The following RRP7A variants were observed in gnomAD, a reference collection of about 807,000 sequenced individuals.
RRP7A encodes ribosomal RNA processing 7 homolog A.
A neutral mutation model predicts 38.4 loss-of-function variants in RRP7A; 27 were observed. The observed-to-expected ratio is 0.70, with a 90% CI of 0.52 to 0.97. RRP7A has a LOEUF of 0.97. RRP7A is among the 50% of genes least tolerant of loss of function. The pLI is 0.00. For synonymous variants in RRP7A, 124 were observed against 150.3 expected, an observed-to-expected ratio of 0.83 and a Z score of 1.28; for missense variants, 327 against 375.4, an observed-to-expected ratio of 0.87 and a Z score of 1.07.
rs1489350586 is a variant in RRP7A at position 42,514,095 on chromosome 22, G to A, written c.757+11C>T. On this transcript the variant is annotated intron_variant, in intron 6 of 6. Transcript: ENST00000323013. Reference sequence around the variant, plus strand: ...GCCGAGGGGTCTGAGGATGGACTGGGGGTGGCTTACGCTCCATCTTGCTCT... The same window carrying A: ...GCCGAGGGGTCTGAGGATGGACTGGAGGTGGCTTACGCTCCATCTTGCTCT... The A allele has an allele frequency of 3.1e-6, 5 of 1,609,908 alleles. No individual in the cohort carries two copies. Among genetic ancestry groups the A allele is most frequent in the Middle Eastern group, 3.4e-4 (2 of 5,858 alleles).
chr22:42,509,361 G>A lies in RRP7A; in HGVS notation c.*3549C>T, dbSNP rs1285751433. Reference sequence around the variant, plus strand: ...GCCTTTCCACAGGTGTCAGCGGGGGGCATGCCCAGGTAAGGCTCCATAACC... The same window carrying A: ...GCCTTTCCACAGGTGTCAGCGGGGGACATGCCCAGGTAAGGCTCCATAACC... On this transcript the variant is annotated 3_prime_UTR_variant, in exon 7 of 7. Transcript: ENST00000323013. Among the ~76,000 whole-genome samples, 1 of 150,276 alleles carries A rather than the reference G, an allele frequency of 6.7e-6. No individual in the cohort carries two copies. Among genetic ancestry groups the A allele is most frequent in the Non-Finnish European group, 1.5e-5 (1 of 67,124 alleles).
At position 42,517,065 on chromosome 22, in the gene RRP7A, G is replaced by A. The variant is rs536702425; in HGVS notation, c.217-929C>T. 2.6e-5 allele frequency among the ~76,000 whole-genome samples: 4 copies of A among 152,114 alleles called. No individual in the cohort carries two copies. In the South Asian group the frequency reaches 8.3e-4, roughly 32 times the overall value. On this transcript the variant is annotated intron_variant, in intron 2 of 6. Coordinates refer to ENST00000323013, the MANE Select transcript of RRP7A (RefSeq NM_015703.5). ...GGCTGAAGGGGGCGGATTACTTCAG[G>A]TCAGCAGTTCGAGACCAGCCTGGCC...
intron 6 of RRP7A, among the ~76,000 whole-genome samples, chr22:42,513,296 G>C (rs1483330868): frequency 7.7e-6 from 1 of 129,144 alleles, no homozygotes; most frequent in Non-Finnish European, 1.7e-5. Flanking sequence ...TGCACAGGGG[G>C]AAGGAAGGAG....
In RRP7A at chr22:42,514,601, C is replaced by A. The variant is rs548183220; in HGVS notation, c.558+81G>T. 33 of 1,219,934 alleles carry A rather than the reference C, an allele frequency of 2.7e-5. 2 individuals carry two copies. In the Admixed American group the frequency reaches 6.1e-4, roughly 23 times the overall value. 75.6% of individuals were successfully genotyped at this position (1,219,934 alleles called of 1,614,324 possible). On this transcript the variant is annotated intron_variant, in intron 5 of 6. Transcript: ENST00000323013. ...CTACAGAGTGGCCAAGGACAGGCCACCACTGCCCTCCCTCTGGGGCGCCAC... is the reference window on the plus strand; with the variant it reads ...CTACAGAGTGGCCAAGGACAGGCCAACACTGCCCTCCCTCTGGGGCGCCAC...
chr22:42,514,054 C>T (rs1920923870), intron 6 of RRP7A, 52 bp downstream of exon 6: 11 of 1,549,736 alleles, frequency 7.1e-6, no homozygotes, highest in Middle Eastern at 1.9e-4. Context: ...AGGCCTCATC[C>T]GTGGCTGGGG....
At chr22:42,519,220 G>A (rs1251795687) in intron 1 of RRP7A, among the ~76,000 whole-genome samples, 1 of 150,190 alleles carries the variant, frequency 6.7e-6, no homozygotes, top group Non-Finnish European at 1.5e-5. Context: ...TAGGTGTGGC[G>A]CCTATCGTGG....
At position 42,514,213 on chromosome 22, in the gene RRP7A, CG is replaced by C; in HGVS notation, c.649del (p.Arg217GlyfsTer38). 2 of 1,610,634 alleles carry C rather than the reference CG, an allele frequency of 1.2e-6. No homozygotes were observed. On this transcript the variant is annotated frameshift_variant, in exon 6 of 7. Coordinates refer to ENST00000323013, the MANE Select transcript of RRP7A (RefSeq NM_015703.5). LOFTEE classifies it high-confidence loss of function. ...CACCCGCAAGCTGGCTGCCTCAGTC[CG>C]GGGGAGCACAGGCCGCCGGCCCCGG... ...TRRGRRPVLP[R>X]TEAASLRVLE...
rs1458739940 is a variant in RRP7A, at chr22:42,511,208, ACTCTGTCG to A, written c.*1694_*1701del. On this transcript the variant is annotated 3_prime_UTR_variant, in exon 7 of 7. Coordinates refer to ENST00000323013, the MANE Select transcript of RRP7A (RefSeq NM_015703.5). ...TTTTTTTTTTTTGAGATGGAGTCTC[ACTCTGTCG>A]CTCAGGCTGGAGTGCAGTGGGAAGA... 1.4e-5 allele frequency: 2 copies of A among 147,570 alleles called. No homozygotes were observed. The highest frequency in any genetic ancestry group is 5.1e-5 in the African/African-American group (2 of 39,530). 9.1% of individuals were successfully genotyped at this position (147,570 alleles called of 1,614,324 possible).
Position 42,512,780 on chromosome 22 carries a change from G to C in RRP7A, c.*130C>G. 1.1e-6 allele frequency: 1 copy of C among 903,186 alleles called. No individual in the cohort carries two copies. Among genetic ancestry groups the C allele is most frequent in the Non-Finnish European group, 1.8e-6 (1 of 563,030 alleles). 55.9% of individuals were successfully genotyped at this position (903,186 alleles called of 1,614,324 possible). On this transcript the variant is annotated 3_prime_UTR_variant, in exon 7 of 7. Transcript: ENST00000323013. ...TCCTGGCCTGTGTGGACTCTGATGG[G>C]GCTGTTGGACGCGGTGGCCTTCAAC...
In RRP7A at chr22:42,510,819, G is replaced by A; in HGVS notation, c.*2091C>T. ...TCTCATGCACTGGGAAAGACCCCTGGTCTGCCCCCAGGCCCAACAAGTGAC... is the reference window on the plus strand; with the variant it reads ...TCTCATGCACTGGGAAAGACCCCTGATCTGCCCCCAGGCCCAACAAGTGAC... On this transcript the variant is annotated 3_prime_UTR_variant, in exon 7 of 7. Transcript: ENST00000323013. 7.8e-7 allele frequency: 1 copy of A among 1,276,098 alleles called. No individual in the cohort carries two copies. The allele number at this position is 1,276,098 out of a possible 1,614,324, so 79.0% of individuals were successfully genotyped here.
In RRP7A at chr22:42,518,152, A is replaced by G. The variant is rs542524688; in HGVS notation, c.74-5T>C. On this transcript the variant is annotated splice_region_variant and splice_polypyrimidine_tract_variant and intron_variant, in intron 1 of 6. Transcript: ENST00000323013. ...CAGAGAACTTGATTGGAATAGCTGG[A>G]AAGGAAATGGGAGGGGAGGGATGGC... 44 of 1,610,426 alleles carry G rather than the reference A, an allele frequency of 2.7e-5. No homozygotes were observed. In the Admixed American group the frequency reaches 5.5e-4, roughly 20 times the overall value.
chr22:42,516,091 C>T lies in RRP7A; in HGVS notation c.262G>A (p.Val88Ile), dbSNP rs11553441. The change falls in exon 3 of 7, where the codon GTA (valine) becomes ATA (isoleucine). Residue 88 changes from valine (V) to isoleucine (I), a missense_variant. Physicochemically the swap from Val to Ile is conservative, Grantham distance 29. Around this residue, in one of 5 missense-constraint regions of RRP7A, gnomAD observed 183 missense variants for 141.8 expected, o/e 1.29. Transcript: ENST00000323013. ...LLSTCGLVQS[V>I]ELQEKPDLAE... ...AGGTCCGGCTTCTCCTGCAACTCTA[C>T]AGACTGGACGAGGCCACAGGTGGAC... is the stretch of plus-strand genomic sequence containing the variant. The T allele has an allele frequency of 0.13, 206,764 of 1,611,212 alleles. 15,137 individuals are homozygous for T. Among genetic ancestry groups the T allele is most frequent in the Admixed American group, 0.23 (13,477 of 59,862 alleles).
intron 2 of RRP7A, among the ~76,000 whole-genome samples, chr22:42,517,207 A>G (rs544068973): frequency 2.6e-5 from 4 of 152,038 alleles, no homozygotes; most frequent in African/African-American, 4.8e-5. Context: ...GAACCCGGGA[A>G]GCGGAGGTTG....
chr22:42,510,575 C>T lies in RRP7A; in HGVS notation c.*2335G>A, dbSNP rs1444480329. The T allele has an allele frequency of 8.6e-5, 59 of 689,312 alleles. No individual in the cohort carries two copies. The highest frequency in any genetic ancestry group is 1.1e-4 in the Non-Finnish European group (47 of 434,614). 42.7% of individuals were successfully genotyped at this position (689,312 alleles called of 1,614,324 possible). A position where few individuals can be genotyped will look rare whatever the true frequency, so the allele number is the denominator to read the frequency against. On this transcript the variant is annotated 3_prime_UTR_variant, in exon 7 of 7. Transcript: ENST00000323013. ...TGAACCCAGGGCAGGATGGGGGCAC[C>T]GCTGGGAGGCGGTTCTAAGATGAAC...
rs1285885149 is a variant in RRP7A, at chr22:42,511,739, GCCTT to G, written c.*1167_*1170del. 12 of 189,890 alleles carry G rather than the reference GCCTT, an allele frequency of 6.3e-5. No individual in the cohort carries two copies. The highest frequency in any genetic ancestry group is 9.4e-5 in the African/African-American group (4 of 42,466). The allele number at this position is 189,890 out of a possible 1,614,324, so 11.8% of individuals were successfully genotyped here. Reference sequence around the variant, plus strand: ...CCAGGTCAGAGCCAAGGCAGGCAGGGCCTTCCTGTCTGGCTTCTTGAAGGCAGAC... The same window carrying G: ...CCAGGTCAGAGCCAAGGCAGGCAGGGCCTGTCTGGCTTCTTGAAGGCAGAC... On this transcript the variant is annotated 3_prime_UTR_variant, in exon 7 of 7. Transcript: ENST00000323013.
rs3174916 is a variant in RRP7A at position 42,508,549 on chromosome 22, T to A, written c.*4361A>T. ...AGGCAGGGCCGCGGAGGAGGCTGGC[T>A]GGGGCCATCACGGAGTGCCCATCCT... On this transcript the variant is annotated 3_prime_UTR_variant, in exon 7 of 7. Transcript: ENST00000323013. 0.25 allele frequency among the ~76,000 whole-genome samples: 37,763 copies of A among 150,772 alleles called. 4,808 individuals carry two copies. The highest frequency in any genetic ancestry group is 0.39 in the African/African-American group (15,871 of 40,836).
rs543104422 is a variant in RRP7A, at chr22:42,512,702, G to A, written c.*208C>T. On this transcript the variant is annotated 3_prime_UTR_variant, in exon 7 of 7. Transcript: ENST00000323013. ...GACAAGTCCTCCTCTCGGCACGCCT[G>A]GGTCCCCAGGACTGCTGAAGCACAA... 1.1e-4 allele frequency: 66 copies of A among 620,158 alleles called. 1 individual carries two copies. In the African/African-American group the frequency reaches 1.1e-3, roughly 10 times the overall value. 38.4% of individuals were successfully genotyped at this position (620,158 alleles called of 1,614,324 possible).
rs563557771 is a variant in RRP7A, at chr22:42,513,608, G to A, written c.757+498C>T. 1.6e-4 allele frequency among the ~76,000 whole-genome samples: 21 copies of A among 128,686 alleles called. No individual in the cohort carries two copies. The South Asian group carries it at 5.5e-3, about 33-fold the overall frequency. The allele number at this position is 128,686 out of a possible 152,430, so 84.4% of individuals were successfully genotyped here. On this transcript the variant is annotated intron_variant, in intron 6 of 6. Transcript: ENST00000323013. Reference sequence around the variant, plus strand: ...TGTAGACAGGGACACCAGGCAGTGGGGCAGGAGGCTCAGCCGCAGCACCAG... The same window carrying A: ...TGTAGACAGGGACACCAGGCAGTGGAGCAGGAGGCTCAGCCGCAGCACCAG...
chr22:42,511,990 C>T lies in RRP7A; in HGVS notation c.*920G>A. The T allele has an allele frequency of 1.4e-6, 1 of 706,386 alleles. No homozygotes were observed. Among genetic ancestry groups the T allele is most frequent in the African/African-American group, 1.8e-5 (1 of 56,570 alleles). The allele number at this position is 706,386 out of a possible 1,614,324, so 43.8% of individuals were successfully genotyped here. On this transcript the variant is annotated 3_prime_UTR_variant, in exon 7 of 7. Transcript: ENST00000323013. ...TCCAAGGAGCCGAGTGTGGGGGAAA[C>T]TCACTGTGGGAGGCGCTCCTGACCT...
Sources: allele counts gnomAD v4.1 joint callset (sites outside exome capture counted in the v4.1 genomes callset), GRCh38; gene constraint gnomAD v4.1.1; regional missense constraint gnomAD v4.1.1; transcripts MANE v1.5; gene names NCBI Gene and HGNC (gene_info 2026-07-23, HGNC 2026-07-21).